INTS7: variants seen among roughly 807,000 people sequenced by gnomAD.
INTS7 encodes integrator complex subunit 7.
INTS7 carries 46 observed loss-of-function variants against 109.2 expected under a neutral mutation model. That is an observed-to-expected ratio of 0.42 (90% CI 0.33 to 0.54). The LOEUF is 0.54. Among genes scored for constraint, INTS7 ranks in the 20% least tolerant of loss-of-function variants. INTS7 has a pLI of 0.07. For missense variants in INTS7, 929 were observed against 1,132.4 expected, an observed-to-expected ratio of 0.82 and a Z score of 2.58; for synonymous variants, 412 against 402.9, an observed-to-expected ratio of 1.02 and a Z score of -0.27.
At chr1:212,006,845 A>C in intron 6 of INTS7, 84 bp from the exon 7 acceptor site, 1 of 1,170,372 alleles carries the variant, frequency 8.5e-7, no homozygotes, top group Non-Finnish European at 1.2e-6. Context: ...TGAAACTTAT[A>C]AAGGGACAGG....
intron 9 of INTS7, 110 bp downstream of exon 9, chr1:211,982,566 T>C (rs1411689791): frequency 2.7e-6 from 2 of 736,704 alleles, no homozygotes; most frequent in Admixed American, 2.8e-5. Context: ...AGTCAATTTG[T>C]AGATCAAGGC....
chr1:211,944,632 C>T lies in INTS7; in HGVS notation c.2601+152G>A, dbSNP rs1001756090. On this transcript the variant is annotated intron_variant, in intron 19 of 19. Coordinates refer to ENST00000366994, the MANE Select transcript of INTS7 (RefSeq NM_015434.4). ...GAGAAAAAGAAGTGTTTATCAACCC[C>T]TTACAGCCCCAATGTGGGCTTTTAA... 9.4e-6 allele frequency: 6 copies of T among 637,598 alleles called. No individual in the cohort carries two copies. The African/African-American group carries it at 1.1e-4, about 12-fold the overall frequency. The allele number at this position is 637,598 out of a possible 1,614,324, so 39.5% of individuals were successfully genotyped here. A position where few individuals can be genotyped will look rare whatever the true frequency, so the allele number is the denominator to read the frequency against.
chr1:211,948,061 C>G (rs972577359), intron 17 of INTS7, among the ~76,000 whole-genome samples: 1 of 152,224 alleles, frequency 6.6e-6, no homozygotes, highest in Admixed American at 6.5e-5. Flanking sequence ...AAACCCAACA[C>G]CACAGGTTGA....
chr1:211,978,542 C>T (rs765842636), intron 10 of INTS7, 31 bp from the exon 11 acceptor site: 117 of 1,612,082 alleles, frequency 7.3e-5, no homozygotes, highest in Non-Finnish European at 9.8e-5. Flanking sequence ...GAACTAGTTA[C>T]ATTTTGAAGA....
chr1:212,033,158 A>G (rs1276362957), intron 1 of INTS7, among the ~76,000 whole-genome samples: 1 of 152,150 alleles, frequency 6.6e-6, no homozygotes, highest in Admixed American at 6.5e-5. Flanking sequence ...GGTGGGGGAG[A>G]TATTTCAGAA....
At chr1:211,982,554 G>A (rs774888409) in intron 9 of INTS7, 122 bp downstream of exon 9, 131 of 657,290 alleles carry the variant, frequency 2.0e-4, no homozygotes, top group Non-Finnish European at 2.8e-4. Context: ...CACTTTGAAA[G>A]GAGTCAATTT....
At position 212,025,740 on chromosome 1, in the gene INTS7, C is replaced by T. The variant is rs143965871; in HGVS notation, c.95-4528G>A. On this transcript the variant is annotated intron_variant, in intron 1 of 19. Transcript: ENST00000366994. ...AATGAATACCTTGGTAAGGATTTAA[C>T]AGCATCAATTTCAAATGTCTCTGTT... is the stretch of plus-strand genomic sequence containing the variant. 50 of 152,556 alleles carry T rather than the reference C, an allele frequency of 3.3e-4. 3 individuals carry two copies. The East Asian group carries it at 9.4e-3, about 29-fold the overall frequency. The allele number at this position is 152,556 out of a possible 1,614,324, so 9.5% of individuals were successfully genotyped here. A position where few individuals can be genotyped will look rare whatever the true frequency, so the allele number is the denominator to read the frequency against.
chr1:211,984,785 T>G (rs1664821052), intron 8 of INTS7, among the ~76,000 whole-genome samples: 1 of 152,086 alleles, frequency 6.6e-6, no homozygotes, highest in African/African-American at 2.4e-5. Context: ...CTTTCTTTCT[T>G]TTTCCTTTTC....
At chr1:212,032,905 C>A (rs1437391241) in intron 1 of INTS7, among the ~76,000 whole-genome samples, 3 of 152,176 alleles carry the variant, frequency 2.0e-5, no homozygotes, top group Admixed American at 2.0e-4. Flanking sequence ...GTCTTTCTTG[C>A]CTATACTTCA....
intron 5 of INTS7, among the ~76,000 whole-genome samples, chr1:212,011,020 G>C (rs1168135478): frequency 6.6e-6 from 1 of 151,996 alleles, no homozygotes; most frequent in African/African-American, 2.4e-5. Context: ...TCCCTTCTCT[G>C]ATCAATATAT....
In INTS7 at chr1:211,946,229, T is replaced by A. The variant is rs1331362169; in HGVS notation, c.2415+378A>T. On this transcript the variant is annotated intron_variant, in intron 18 of 19. Transcript: ENST00000366994. This position sits in a 1 kb window ranked among gnomAD's most constrained non-coding sequence, Gnocchi z 4.3. ...CAGGCACAGTGGCTCATGCCTGTAA[T>A]CCCAGCACTTTGGGAGGCAGAGGTG... 6.6e-6 allele frequency among the ~76,000 whole-genome samples: 1 copy of A among 152,210 alleles called. No individual in the cohort carries two copies. The highest frequency in any genetic ancestry group is 1.5e-5 in the Non-Finnish European group (1 of 68,034).
intron 1 of INTS7, among the ~76,000 whole-genome samples, chr1:212,034,117 CT>C (rs139786473): frequency 0.011 from 1,634 of 149,060 alleles, 30 homozygotes; most frequent in African/African-American, 0.037. Context: ...TAGTATTATA[CT>C]TTTTTTTTTC....
rs766185525 is a variant in INTS7 at position 211,987,929 on chromosome 1, T to C, written c.954A>G (p.Leu318=). 84 of 1,611,902 alleles carry C rather than the reference T, an allele frequency of 5.2e-5. No individual in the cohort carries two copies. Among genetic ancestry groups the C allele is most frequent in the Non-Finnish European group, 6.5e-5 (77 of 1,178,232 alleles). The change falls in exon 8 of 20, where the codon CTA becomes CTG. Residue 318 remains leucine, a synonymous_variant. Transcript: ENST00000366994. ...AATGTTTGATGGCGATGGTCCCTGA[T>C]AGTGTGGAAAGGACAGACAACATCC... ...KLGMLSVLST[L]SGTIAIKHYF...
rs1020008840 is a variant in INTS7, at chr1:212,017,116, A to G, written c.372-93T>C. On this transcript the variant is annotated intron_variant, in intron 3 of 19. Coordinates refer to ENST00000366994, the MANE Select transcript of INTS7 (RefSeq NM_015434.4). ...AAGGCAAAGTCAGATTATCAAAACT[A>G]AAGTTTATAGGTAATTCTATGTAAC... 1.4e-5 allele frequency: 14 copies of G among 972,806 alleles called. No individual in the cohort carries two copies. In the African/African-American group the frequency reaches 2.2e-4, roughly 15 times the overall value. 60.3% of individuals were successfully genotyped at this position (972,806 alleles called of 1,614,324 possible).
Position 212,013,822 on chromosome 1 carries a change from C to T in INTS7, c.510-2401G>A, listed in dbSNP as rs142234421. On this transcript the variant is annotated intron_variant, in intron 4 of 19. Transcript: ENST00000366994. ...TACAGCCTGGGGCAACAGGCTATACCATATAACCTAGGTGTATAGTAGGTT... is the reference window on the plus strand; with the variant it reads ...TACAGCCTGGGGCAACAGGCTATACTATATAACCTAGGTGTATAGTAGGTT... Among the ~76,000 whole-genome samples the T allele has an allele frequency of 5.4e-3, 820 of 152,264 alleles. 4 individuals carry two copies. The highest frequency in any genetic ancestry group is 0.019 in the African/African-American group (777 of 41,548).
At chr1:212,020,573 T>C (rs372368978) in intron 2 of INTS7, 9 of 254,134 alleles carry the variant, frequency 3.5e-5, no homozygotes, top group African/African-American at 1.1e-4. Flanking sequence ...GGTCTTTCTC[T>C]TCTCTTGGGC....
rs748754882 is a variant in INTS7, at chr1:212,020,288, A to C, written c.225-20T>G. Reference sequence around the variant, plus strand: ...TTATTTCTAGAAAAACCAGAAATAAATTAGGTCACTTTAGAAAGTAATATT... The same window carrying C: ...TTATTTCTAGAAAAACCAGAAATAACTTAGGTCACTTTAGAAAGTAATATT... On this transcript the variant is annotated intron_variant, in intron 2 of 19. Coordinates refer to ENST00000366994, the MANE Select transcript of INTS7 (RefSeq NM_015434.4). 2.0e-5 allele frequency: 30 copies of C among 1,470,250 alleles called. No homozygotes were observed. The highest frequency in any genetic ancestry group is 2.8e-5 in the Non-Finnish European group (30 of 1,077,892). 91.1% of individuals were successfully genotyped at this position (1,470,250 alleles called of 1,614,324 possible). A position where few individuals can be genotyped will look rare whatever the true frequency, so the allele number is the denominator to read the frequency against.
At chr1:211,963,628 C>T (rs1281496741) in intron 16 of INTS7, among the ~76,000 whole-genome samples, 1 of 152,126 alleles carries the variant, frequency 6.6e-6, no homozygotes, top group Non-Finnish European at 1.5e-5. Flanking sequence ...AATCAAAAAG[C>T]TTATCCACCA....
At position 211,988,434 on chromosome 1, in the gene INTS7, A is replaced by C. The variant is rs538846562; in HGVS notation, c.880-431T>G. On this transcript the variant is annotated intron_variant, in intron 7 of 19. Transcript: ENST00000366994. ...AAGACCCTGTCTCAAAAAAAAAAAA[A>C]CAAAAAAAGCACTAGGTCAAACTTC... Among the ~76,000 whole-genome samples, 422 of 151,972 alleles carry C rather than the reference A, an allele frequency of 2.8e-3. 1 individual carries two copies. The highest frequency in any genetic ancestry group is 9.9e-3 in the African/African-American group (410 of 41,446).
Sources: allele counts gnomAD v4.1 joint callset (sites outside exome capture counted in the v4.1 genomes callset), GRCh38; gene constraint gnomAD v4.1.1; non-coding constraint Gnocchi (gnomAD v3.1); transcripts MANE v1.5; gene names NCBI Gene and HGNC (gene_info 2026-07-23, HGNC 2026-07-21).